Variants in SLC7A13 observed in about 807,000 individuals in gnomAD.
SLC7A13 encodes the protein solute carrier family 7 member 13.
SLC7A13 carries 31 observed loss-of-function variants against 32.0 expected under a neutral mutation model. That is an observed-to-expected ratio of 0.97 (90% CI 0.73 to 1.31). SLC7A13 has a LOEUF of 1.31. Ranked by LOEUF, SLC7A13 falls within the 50% of genes most tolerant of loss-of-function variation. SLC7A13 has a pLI of 0.00. For synonymous variants in SLC7A13, 232 were observed against 206.9 expected (o/e 1.12, Z -1.04); for missense variants, 633 against 546.9 (o/e 1.16, Z -1.57).
intron 2 of SLC7A13, among the ~76,000 whole-genome samples, chr8:86,221,456 GATTA>G (rs987643056): frequency 3.3e-4 from 50 of 152,194 alleles, no homozygotes; most frequent in African/African-American, 1.2e-3. Flanking sequence ...GACTTAAAAA[GATTA>G]ATTTAGAATT....
At chr8:86,223,282 T>C (rs1055572574) in intron 1 of SLC7A13, among the ~76,000 whole-genome samples, 179 bp from the exon 2 acceptor site, 6 of 152,136 alleles carry the variant, frequency 3.9e-5, no homozygotes, top group Admixed American at 1.3e-4. Flanking sequence ...CTGAATAACA[T>C]ACATTGTACC....
chr8:86,220,630 A>G (rs1489370066), intron 2 of SLC7A13, among the ~76,000 whole-genome samples: 1 of 152,172 alleles, frequency 6.6e-6, no homozygotes, highest in Non-Finnish European at 1.5e-5. Flanking sequence ...CTCTATATTC[A>G]TATGGAAACT....
chr8:86,227,808 C>T lies in SLC7A13; in HGVS notation c.685+1785G>A, dbSNP rs114508875. ...CCAGCAATGTGGATGCAACTAGAGA[C>T]CATCATCCTAAGAGAAACAATTCAA... On this transcript the variant is annotated intron_variant, in intron 1 of 3. Coordinates refer to ENST00000297524, the MANE Select transcript of SLC7A13 (RefSeq NM_138817.3). Among the ~76,000 whole-genome samples, 556 of 152,232 alleles carry T rather than the reference C, an allele frequency of 3.7e-3. 4 individuals carry two copies. Among genetic ancestry groups the T allele is most frequent in the African/African-American group, 0.012 (485 of 41,538 alleles).
chr8:86,222,258 G>A (rs963854912), intron 2 of SLC7A13, among the ~76,000 whole-genome samples: 2 of 152,042 alleles, frequency 1.3e-5, no homozygotes, highest in Non-Finnish European at 2.9e-5. Context: ...TATCTTGTGA[G>A]GTCGTTTAAT....
intron 1 of SLC7A13, among the ~76,000 whole-genome samples, chr8:86,227,564 T>C (rs575492495): frequency 1.3e-5 from 2 of 152,306 alleles, no homozygotes; most frequent in South Asian, 2.1e-4. Context: ...AACTACCATT[T>C]GACACAGCAA....
intron 3 of SLC7A13, among the ~76,000 whole-genome samples, chr8:86,216,712 T>C (rs112779249): frequency 2.6e-3 from 396 of 152,318 alleles, no homozygotes; most frequent in African/African-American, 9.0e-3. Flanking sequence ...CTCTAATCCA[T>C]GCTGTGTGAG....
chr8:86,228,738 C>T (rs1278355395), intron 1 of SLC7A13, among the ~76,000 whole-genome samples: 1 of 151,946 alleles, frequency 6.6e-6, no homozygotes, highest in Non-Finnish European at 1.5e-5. Context: ...CCCAGCTACT[C>T]TGGAGGCTGA....
chr8:86,220,882 T>C (rs1370996408), intron 2 of SLC7A13, among the ~76,000 whole-genome samples: 2 of 150,716 alleles, frequency 1.3e-5, no homozygotes, highest in Non-Finnish European at 2.9e-5. Flanking sequence ...TAATCCCAGC[T>C]ACTCAAAAGG....
chr8:86,217,769 C>A lies in SLC7A13; in HGVS notation c.880G>T (p.Ala294Ser), dbSNP rs1216718585. ...FPSLAWIMPFAISTSLFSNLL... is the reference protein window; with the variant it reads ...FPSLAWIMPFSISTSLFSNLL... ...TTGCTAAATAATGAGGTAGAAATAG[C>A]AAAAGGCATAATCCATGCTAATGAG... Residue 294 changes from alanine to serine, a missense_variant, in exon 3 of 4, where the codon GCT becomes TCT. Physicochemically the swap from Ala to Ser is moderately conservative, Grantham distance 99. Coordinates refer to ENST00000297524, the MANE Select transcript of SLC7A13 (RefSeq NM_138817.3). 6.2e-7 allele frequency: 1 copy of A among 1,612,376 alleles called. No individual in the cohort carries two copies. The highest frequency in any genetic ancestry group is 2.2e-5 in the East Asian group (1 of 44,832).
chr8:86,217,959 T>G, intron 2 of SLC7A13, 128 bp from the exon 3 acceptor site: 1 of 1,044,046 alleles, frequency 9.6e-7, no homozygotes, highest in Non-Finnish European at 1.3e-6. Context: ...TTGCTTAATT[T>G]TATCATTTAT....
Position 86,217,805 on chromosome 8 carries a change from G to C in SLC7A13, c.844C>G (p.Arg282Gly). The stretch of plus-strand genomic sequence containing the variant: ...ATCCATGCTAATGAGGGAAAAGCTC[G>C]ATCAGCCCATGTGATAGCTACAGCA... ...SDAVAITWAD[R>G]AFPSLAWIMP... Residue 282 changes from arginine to glycine, a missense_variant, in exon 3 of 4, where the codon CGA becomes GGA. Transcript: ENST00000297524. 6.3e-7 allele frequency: 1 copy of C among 1,596,586 alleles called. No homozygotes were observed. Among genetic ancestry groups the C allele is most frequent in the Non-Finnish European group, 8.5e-7 (1 of 1,173,120 alleles).
Position 86,214,126 on chromosome 8 carries a change from G to GA in SLC7A13, c.*286dup, listed in dbSNP as rs979581214. 399 of 218,716 alleles carry GA rather than the reference G, an allele frequency of 1.8e-3. No homozygotes were observed. The highest frequency in any genetic ancestry group is 3.3e-3 in the Middle Eastern group (2 of 614). The allele number at this position is 218,716 out of a possible 1,614,324, so 13.5% of individuals were successfully genotyped here. ...TTCAGTAGAAAAGGGGTGGGATACAGAAAAAAAAAGTGAGAGAATGGAAGT... is the reference window on the plus strand; with the variant it reads ...TTCAGTAGAAAAGGGGTGGGATACAGAAAAAAAAAAGTGAGAGAATGGAAGT... On this transcript the variant is annotated 3_prime_UTR_variant, in exon 4 of 4. Transcript: ENST00000297524.
intron 3 of SLC7A13, chr8:86,215,644 C>T: frequency 2.3e-6 from 1 of 441,382 alleles, no homozygotes; most frequent in Non-Finnish European, 4.5e-6. Flanking sequence ...CAAGATCATG[C>T]CACTGCACTC....
chr8:86,229,657 A>T lies in SLC7A13; in HGVS notation c.621T>A (p.Leu207=), dbSNP rs772472973. The part of the protein sequence containing the change: ...FDAELPDISH[L]IQAIFQGYFA... ...AATATCCTTGGAAGATGGCTTGTAT[A>T]AGGTGAGAGATATCTGGAAGTTCAG... Residue 207 remains leucine, a synonymous_variant, in exon 1 of 4, where the codon CTT becomes CTA. Transcript: ENST00000297524. The T allele has an allele frequency of 3.7e-6, 6 of 1,614,156 alleles. No individual in the cohort carries two copies. The highest frequency in any genetic ancestry group is 5.1e-6 in the Non-Finnish European group (6 of 1,180,024).
At chr8:86,220,565 C>A (rs573953576) in intron 2 of SLC7A13, among the ~76,000 whole-genome samples, 1 of 152,166 alleles carries the variant, frequency 6.6e-6, no homozygotes, top group Admixed American at 6.6e-5. Context: ...TGGTGTAATT[C>A]TTTCAATGTT....
intron 1 of SLC7A13, among the ~76,000 whole-genome samples, chr8:86,227,474 A>G (rs1360681032): frequency 1.3e-5 from 2 of 152,234 alleles, no homozygotes; most frequent in African/African-American, 4.8e-5. Flanking sequence ...GGAAGTGTAT[A>G]CAGCCTCAGA....
intron 1 of SLC7A13, among the ~76,000 whole-genome samples, chr8:86,227,164 C>A (rs1339060456): frequency 1.3e-5 from 2 of 152,008 alleles, no homozygotes; most frequent in Admixed American, 6.6e-5. Flanking sequence ...GGCACCAGTA[C>A]AGGGTTTTAA....
chr8:86,229,655 A>G lies in SLC7A13; in HGVS notation c.623T>C (p.Ile208Thr). 2.5e-6 allele frequency: 4 copies of G among 1,614,172 alleles called. No individual in the cohort carries two copies. The highest frequency in any genetic ancestry group is 3.4e-6 in the Non-Finnish European group (4 of 1,180,028). Reference sequence around the variant, plus strand: ...AAAATATCCTTGGAAGATGGCTTGTATAAGGTGAGAGATATCTGGAAGTTC... The same window carrying G: ...AAAATATCCTTGGAAGATGGCTTGTGTAAGGTGAGAGATATCTGGAAGTTC... ...DAELPDISHLIQAIFQGYFAY... is the reference protein window; with the variant it reads ...DAELPDISHLTQAIFQGYFAY... Residue 208 changes from isoleucine (I) to threonine (T), a missense_variant, in exon 1 of 4, where the codon ATA becomes ACA. By Grantham distance (89) the Ile-to-Thr change is moderately conservative (BLOSUM62 -1). Coordinates refer to ENST00000297524, the MANE Select transcript of SLC7A13 (RefSeq NM_138817.3).
chr8:86,229,604 G>C lies in SLC7A13; in HGVS notation c.674C>G (p.Thr225Arg). ...YFAYSGGACF[T>R]LIAGELKKPR... is the part of the protein sequence containing the mutation. The stretch of plus-strand genomic sequence containing the variant: ...CAATGGATTGTTACCTGCTATAAGT[G>C]TAAAGCATGCCCCGCCTGAATATGC... Residue 225 changes from threonine to arginine, a missense_variant, in exon 1 of 4, where the codon ACA (threonine) becomes AGA (arginine). Thr to Arg is a moderately conservative substitution (Grantham distance 71). Coordinates refer to ENST00000297524, the MANE Select transcript of SLC7A13 (RefSeq NM_138817.3). The C allele has an allele frequency of 1.2e-6, 2 of 1,613,174 alleles. No individual in the cohort carries two copies. Among genetic ancestry groups the C allele is most frequent in the Non-Finnish European group, 1.7e-6 (2 of 1,179,616 alleles).
Sources: gnomAD v4.1 joint callset for allele counts (sites outside exome capture counted in the v4.1 genomes callset) on GRCh38, gnomAD v4.1.1 for gene constraint, MANE v1.5 for transcripts, NCBI Gene and HGNC (gene_info 2026-07-23, HGNC 2026-07-21) for gene names.